The following MUC17 variants were observed in gnomAD, a reference collection of about 807,000 sequenced individuals.
MUC17 encodes mucin 17, cell surface associated.
Under a neutral mutation model 170.3 loss-of-function variants are expected in MUC17, and 190 were observed. The ratio of observed to expected loss-of-function variants is 1.12; its 90% confidence interval spans 0.99 to 1.26. The LOEUF (loss-of-function observed/expected upper bound fraction) is 1.26, where lower values mean the gene tolerates loss of function less well. MUC17 is among the 50% of genes most tolerant of loss of function. MUC17 has a pLI of 0.00. For synonymous variants in MUC17, 2,325 were observed against 2,002.5 expected (o/e 1.16, Z -4.30); for missense variants, 6,415 against 5,530.0 (o/e 1.16, Z -5.08).
At position 101,048,011 on chromosome 7, in the gene MUC17, C is replaced by A; in HGVS notation, c.12431C>A (p.Ala4144Asp). ...TTTGGAGATGGGTGCCAGAATACGG[C>A]CTCTCGCTGCAAGAATGGAGGCACC... ...TCFGDGCQNT[A>D]SRCKNGGTWD... Residue 4144 changes from alanine (A) to aspartate (D), a missense_variant, in exon 4 of 13, where the codon GCC becomes GAC. Transcript: ENST00000306151. 1.2e-6 allele frequency: 2 copies of A among 1,604,356 alleles called. No homozygotes were observed. Among genetic ancestry groups the A allele is most frequent in the Non-Finnish European group, 1.7e-6 (2 of 1,176,216 alleles).
chr7:101,031,105 C>CTTTGTCTCT lies in MUC17; in HGVS notation c.83-12_83-4dup. 6.2e-7 allele frequency: 1 copy of CTTTGTCTCT among 1,602,766 alleles called. No individual in the cohort carries two copies. The highest frequency in any genetic ancestry group is 8.5e-7 in the Non-Finnish European group (1 of 1,174,266). On this transcript the variant is annotated splice_polypyrimidine_tract_variant and intron_variant, in intron 1 of 12. Coordinates refer to ENST00000306151, the MANE Select transcript of MUC17 (RefSeq NM_001040105.2). ...TCATGGCTCTGGGATACTAACTCCC[C>CTTTGTCTCT]TTTGTCTCTTTCAGACCTCAGTGTG...
chr7:101,054,967 A>G (rs1338535856), intron 11 of MUC17, among the ~76,000 whole-genome samples: 9 of 152,188 alleles, frequency 5.9e-5, no homozygotes, highest in Non-Finnish European at 1.0e-4. Flanking sequence ...AATTAGCTGG[A>G]CATGGTGGCA....
intron 11 of MUC17, among the ~76,000 whole-genome samples, chr7:101,055,103 G>A (rs1007768741): frequency 2.6e-5 from 4 of 151,934 alleles, no homozygotes; most frequent in African/African-American, 4.8e-5. Context: ...GCAAGATTCC[G>A]TAGAAGGAGG....
In MUC17 at chr7:101,051,610, C is replaced by G. The variant is rs779706382; in HGVS notation, c.12875-3C>G. ...TGAGGGGTTTTATGTGTCTCTTTCA[C>G]AGACATGATGTGTTTCAACACCACT... On this transcript the variant is annotated splice_polypyrimidine_tract_variant and splice_region_variant and intron_variant, in intron 7 of 12. Transcript: ENST00000306151. The G allele has an allele frequency of 1.9e-6, 3 of 1,612,848 alleles. No homozygotes were observed. The highest frequency in any genetic ancestry group is 2.5e-6 in the Non-Finnish European group (3 of 1,179,638).
At position 101,036,691 on chromosome 7, in the gene MUC17, A is replaced by G. The variant is rs759001856; in HGVS notation, c.5275A>G (p.Thr1759Ala). 7 of 1,613,100 alleles carry G rather than the reference A, an allele frequency of 4.3e-6. No homozygotes were observed. The South Asian group carries it at 6.6e-5, about 15-fold the overall frequency. Reference sequence around the variant, plus strand: ...ATTAACAAGTATACCTGTCAGCACCACGCCGGTACTCAGTTCTGAGGCTAG... The same window carrying G: ...ATTAACAAGTATACCTGTCAGCACCGCGCCGGTACTCAGTTCTGAGGCTAG... ...TPLTSIPVST[T>A]PVLSSEASTL... is the part of the protein sequence containing the mutation. The change falls in exon 3 of 13, where the codon ACG becomes GCG. Residue 1759 changes from threonine (T) to alanine (A), a missense_variant. Physicochemically the swap from Thr to Ala is moderately conservative, Grantham distance 58. Transcript: ENST00000306151.
chr7:101,053,774 G>A (rs1397731909), intron 11 of MUC17, among the ~76,000 whole-genome samples: 4 of 151,708 alleles, frequency 2.6e-5, no homozygotes, highest in Non-Finnish European at 4.4e-5. Context: ...CAGCTACTCG[G>A]GAGGCTGAGG....
In MUC17 at chr7:101,041,074, G is replaced by A. The variant is rs373571427; in HGVS notation, c.9658G>A (p.Gly3220Arg). Residue 3220 changes from glycine (G) to arginine (R), a missense_variant, in exon 3 of 13, where the codon GGA becomes AGA. Physicochemically the swap from Gly to Arg is moderately radical, Grantham distance 125. Transcript: ENST00000306151. Reference protein sequence around the residue: ...TSIPTSTPSEGMTPLTSVPVS... With the variant: ...TSIPTSTPSERMTPLTSVPVS... Reference sequence around the variant, plus strand: ...CATTCCAACCTCAACTCCTAGTGAAGGAATGACTCCATTAACTAGTGTACC... The same window carrying A: ...CATTCCAACCTCAACTCCTAGTGAAAGAATGACTCCATTAACTAGTGTACC... 3.1e-6 allele frequency: 5 copies of A among 1,613,828 alleles called. No individual in the cohort carries two copies. In the African/African-American group the frequency reaches 6.7e-5, roughly 22 times the overall value.
rs573682995 is a variant in MUC17, at chr7:101,038,285, T to C, written c.6869T>C (p.Leu2290Pro). 3.7e-6 allele frequency: 6 copies of C among 1,613,632 alleles called. No homozygotes were observed. The highest frequency in any genetic ancestry group is 1.7e-5 in the Admixed American group (1 of 60,020). ...ACAAGTATACCTGTCAGCCACACGC[T>C]GGTGGCCAATTCTGAGGTTAGCACC... ...PLTSIPVSHT[L>P]VANSEVSTLS... Residue 2290 changes from leucine (L) to proline (P), a missense_variant, in exon 3 of 13, where the codon CTG becomes CCG. Physicochemically the swap from Leu to Pro is moderately conservative, Grantham distance 98. Coordinates refer to ENST00000306151, the MANE Select transcript of MUC17 (RefSeq NM_001040105.2).
In MUC17 at chr7:101,038,892, A is replaced by T; in HGVS notation, c.7476A>T (p.Glu2492Asp). ...GCACACCTATGACCACTTCTACTGA[A>T]GCCAGTTCATCTCCTACAACTGCTG... ...DTSTPMTTST[E>D]ASSSPTTAED... The change falls in exon 3 of 13, where the codon GAA becomes GAT. Residue 2492 changes from glutamate to aspartate, a missense_variant. Glu to Asp is a conservative substitution (Grantham distance 45). Coordinates refer to ENST00000306151, the MANE Select transcript of MUC17 (RefSeq NM_001040105.2). 1 of 1,614,038 alleles carries T rather than the reference A, an allele frequency of 6.2e-7. No individual in the cohort carries two copies.
chr7:101,043,200 G>A lies in MUC17; in HGVS notation c.11784G>A (p.Val3928=), dbSNP rs149163224. ...IPVATTISVS[V]ITEGSTPGTT... is the part of the protein sequence containing the mutation. ...TAGCCACCACCATATCTGTATCAGT[G>A]ATCACAGAAGGAAGCACACCTGGGA... Residue 3928 remains valine, a synonymous_variant, in exon 3 of 13, where the codon GTG becomes GTA. Transcript: ENST00000306151. 4 of 1,613,954 alleles carry A rather than the reference G, an allele frequency of 2.5e-6. No individual in the cohort carries two copies. In the African/African-American group the frequency reaches 4.0e-5, roughly 16 times the overall value.
rs200862697 is a variant in MUC17, at chr7:101,039,967, C to T, written c.8551C>T (p.Pro2851Ser). 1,293 of 1,613,578 alleles carry T rather than the reference C, an allele frequency of 8.0e-4. 20 individuals are homozygous for T. Among genetic ancestry groups the T allele is most frequent in the East Asian group, 6.9e-3 (310 of 44,850 alleles). The change falls in exon 3 of 13, where the codon CCT (proline) becomes TCT (serine). Residue 2851 changes from proline (P) to serine (S), a missense_variant. Physicochemically the swap from Pro to Ser is moderately conservative, Grantham distance 74 (BLOSUM62 -1). Transcript: ENST00000306151. ...VTTSTKASSSPTTAEGIVVPI... is the reference protein window; with the variant it reads ...VTTSTKASSSSTTAEGIVVPI... ...CACTTCTACTAAAGCCAGTTCATCT[C>T]CTACAACTGCTGAAGGTATCGTCGT...
chr7:101,020,785 C>A (rs1306358487), intron 1 of MUC17, among the ~76,000 whole-genome samples: 1 of 152,178 alleles, frequency 6.6e-6, no homozygotes, highest in Non-Finnish European at 1.5e-5. Flanking sequence ...CTGCCTCAGT[C>A]TCCCCAAAAG....
intron 12 of MUC17, among the ~76,000 whole-genome samples, chr7:101,057,761 T>G (rs1384981398): frequency 6.6e-6 from 1 of 152,122 alleles, no homozygotes; most frequent in East Asian, 1.9e-4. Flanking sequence ...GCACATGTAG[T>G]CCTAGCTACT....
chr7:101,051,855 C>T lies in MUC17; in HGVS notation c.12996C>T (p.Tyr4332=), dbSNP rs773168723. 2.5e-6 allele frequency: 4 copies of T among 1,614,166 alleles called. No homozygotes were observed. Among genetic ancestry groups the T allele is most frequent in the Non-Finnish European group, 3.4e-6 (4 of 1,180,022 alleles). The change falls in exon 9 of 13, where the codon TAC becomes TAT. Residue 4332 remains tyrosine (Y), a synonymous_variant. Coordinates refer to ENST00000306151, the MANE Select transcript of MUC17 (RefSeq NM_001040105.2). ...ATGGAGACTACTTCGTAGTGGAGTACCGGGACCAGAAGCCATACTGCATCA... is the reference window on the plus strand; with the variant it reads ...ATGGAGACTACTTCGTAGTGGAGTATCGGGACCAGAAGCCATACTGCATCA... The part of the protein sequence containing the change: ...KEYGDYFVVE[Y]RDQKPYCISP...
intron 1 of MUC17, among the ~76,000 whole-genome samples, chr7:101,029,689 C>T (rs865893018): frequency 6.6e-6 from 1 of 151,936 alleles, no homozygotes; most frequent in Non-Finnish European, 1.5e-5. Flanking sequence ...ACCTCTGTCT[C>T]CCAGGCTCAA....
At position 101,051,922 on chromosome 7, in the gene MUC17, C is replaced by T. The variant is rs368767277; in HGVS notation, c.13063C>T (p.Leu4355Phe). ...PGFSVSKNCN[L>F]GKCQMSLSGP... ...CTTCAGTGTCTCCAAGAACTGTAACCTCGGCAAGTGCCAGATGTCTCTAAG... is the reference window on the plus strand; with the variant it reads ...CTTCAGTGTCTCCAAGAACTGTAACTTCGGCAAGTGCCAGATGTCTCTAAG... The change falls in exon 9 of 13, where the codon CTC becomes TTC. Residue 4355 changes from leucine to phenylalanine, a missense_variant. Leu to Phe is a conservative substitution (Grantham distance 22). Coordinates refer to ENST00000306151, the MANE Select transcript of MUC17 (RefSeq NM_001040105.2). 8 of 1,614,062 alleles carry T rather than the reference C, an allele frequency of 5.0e-6. No individual in the cohort carries two copies. In the African/African-American group the frequency reaches 8.0e-5, roughly 16 times the overall value.
In MUC17 at chr7:101,032,948, C is replaced by T. The variant is rs137875150; in HGVS notation, c.1532C>T (p.Thr511Ile). The T allele has an allele frequency of 1.3e-4, 216 of 1,614,030 alleles. No homozygotes were observed. The highest frequency in any genetic ancestry group is 1.7e-4 in the Non-Finnish European group (204 of 1,180,048). The stretch of plus-strand genomic sequence containing the variant: ...ACCTCAACTCCTAGTGAAGGAAGCA[C>T]TCCATTAACAAGTATGTCTGTCAGC... ...MPTSTPSEGS[T>I]PLTSMSVSTM... is the part of the protein sequence containing the mutation. Residue 511 changes from threonine (T) to isoleucine (I), a missense_variant, in exon 3 of 13, where the codon ACT becomes ATT. Coordinates refer to ENST00000306151, the MANE Select transcript of MUC17 (RefSeq NM_001040105.2).
chr7:101,033,463 T>G lies in MUC17; in HGVS notation c.2047T>G (p.Tyr683Asp), dbSNP rs771799449. ...AGGTACCAGCATGCCAACCTCAACT[T>G]ATACTGAAGGAAGCACTCCATTAAC... Reference protein sequence around the residue: ...AEGTSMPTSTYTEGSTPLTSM... With the variant: ...AEGTSMPTSTDTEGSTPLTSM... The change falls in exon 3 of 13, where the codon TAT becomes GAT. Residue 683 changes from tyrosine (Y) to aspartate (D), a missense_variant. Coordinates refer to ENST00000306151, the MANE Select transcript of MUC17 (RefSeq NM_001040105.2). 1 of 1,605,904 alleles carries G rather than the reference T, an allele frequency of 6.2e-7. No individual in the cohort carries two copies. Among genetic ancestry groups the G allele is most frequent in the Non-Finnish European group, 8.5e-7 (1 of 1,177,124 alleles).
At chr7:101,030,488 G>T (rs951090568) in intron 1 of MUC17, among the ~76,000 whole-genome samples, 2 of 152,168 alleles carry the variant, frequency 1.3e-5, no homozygotes, top group East Asian at 1.9e-4. Context: ...TTCCCAAAGT[G>T]CTGGGATTAC....
Sources: allele counts gnomAD v4.1 joint callset (sites outside exome capture counted in the v4.1 genomes callset), GRCh38; gene constraint gnomAD v4.1.1; transcripts MANE v1.5; gene names NCBI Gene and HGNC (gene_info 2026-07-23, HGNC 2026-07-21).